The following CRPPA variants were observed in gnomAD, a reference collection of about 807,000 sequenced individuals.
The protein encoded by CRPPA is D-ribitol-5-phosphate cytidylyltransferase.
A neutral mutation model predicts 52.0 loss-of-function variants in CRPPA; 43 were observed. The ratio of observed to expected loss-of-function variants is 0.83; its 90% CI spans 0.65 to 1.07. The LOEUF is 1.07. Ranked by LOEUF, CRPPA falls within the 50% of genes least tolerant of loss-of-function variation. CRPPA has a pLI of 0.00. For synonymous variants in CRPPA, 250 were observed against 203.5 expected, an observed-to-expected ratio of 1.23 and a Z score of -1.94; for missense variants, 629 against 551.7, an observed-to-expected ratio of 1.14 and a Z score of -1.40.
At chr7:16,142,377 T>C (rs1782890472) in intron 9 of CRPPA, among the ~76,000 whole-genome samples, 1 of 152,218 alleles carries the variant, frequency 6.6e-6, no homozygotes, top group Non-Finnish European at 1.5e-5. Context: ...TTAATTTAAA[T>C]AATGGACCAC....
intron 5 of CRPPA, among the ~76,000 whole-genome samples, chr7:16,299,179 T>C (rs1310323917): frequency 6.6e-6 from 1 of 152,182 alleles, no homozygotes; most frequent in African/African-American, 2.4e-5. Flanking sequence ...ATATACTATA[T>C]TACACTTTGG....
At chr7:16,398,634 C>T (rs1018894937) in intron 2 of CRPPA, among the ~76,000 whole-genome samples, 4 of 152,250 alleles carry the variant, frequency 2.6e-5, no homozygotes, top group Admixed American at 6.5e-5. Context: ...ATGACTGACA[C>T]GTGACAAACA....
At chr7:16,205,036 T>G (rs1479325614) in intron 9 of CRPPA, among the ~76,000 whole-genome samples, 1 of 152,176 alleles carries the variant, frequency 6.6e-6, no homozygotes, top group Non-Finnish European at 1.5e-5. Flanking sequence ...TGAAAAGATC[T>G]TTAATCTCAA....
intron 8 of CRPPA, among the ~76,000 whole-genome samples, chr7:16,217,254 C>G (rs1782355247): frequency 6.7e-6 from 1 of 149,236 alleles, no homozygotes; most frequent in Admixed American, 6.7e-5. Context: ...GGAAAACTAA[C>G]AAACAGAAAG....
Position 16,276,739 on chromosome 7 carries a change from C to T in CRPPA, c.933+1390G>A, listed in dbSNP as rs1296309227. The T allele has an allele frequency of 2.0e-5, 3 of 152,010 alleles. No homozygotes were observed. In the East Asian group the frequency reaches 5.8e-4, roughly 29 times the overall value. 9.4% of individuals were successfully genotyped at this position (152,010 alleles called of 1,614,324 possible). A position where few individuals can be genotyped will look rare whatever the true frequency, so the allele number is the denominator to read the frequency against. ...ATCACATATATATTTACTTATATGACTAAGAATAAACAATTGTTTAAGGGA... is the reference window on the plus strand; with the variant it reads ...ATCACATATATATTTACTTATATGATTAAGAATAAACAATTGTTTAAGGGA... On this transcript the variant is annotated intron_variant, in intron 6 of 9. Transcript: ENST00000407010.
At chr7:16,208,857 T>C (rs901956212) in intron 9 of CRPPA, 7 of 211,100 alleles carry the variant, frequency 3.3e-5, no homozygotes, top group South Asian at 6.8e-5. Context: ...TATAATGACA[T>C]TGGGCACTTA....
At chr7:16,122,964 G>A (rs371810139) in intron 9 of CRPPA, among the ~76,000 whole-genome samples, 8 of 152,072 alleles carry the variant, frequency 5.3e-5, no homozygotes, top group African/African-American at 1.9e-4. Context: ...CATATAGAAG[G>A]AATCAAGTAG....
At chr7:16,098,970 G>T (rs1781985215) in intron 9 of CRPPA, among the ~76,000 whole-genome samples, 3 of 151,970 alleles carry the variant, frequency 2.0e-5, no homozygotes, top group Non-Finnish European at 4.4e-5. Context: ...AATGCACTTG[G>T]GTTTACTGAT....
chr7:16,345,677 G>A (rs947424120), intron 3 of CRPPA, among the ~76,000 whole-genome samples: 1 of 152,010 alleles, frequency 6.6e-6, no homozygotes, highest in Non-Finnish European at 1.5e-5. Context: ...AAATATGTAG[G>A]ATATACAGAC....
chr7:16,245,345 T>A (rs1011918571), intron 8 of CRPPA, among the ~76,000 whole-genome samples: 3 of 152,238 alleles, frequency 2.0e-5, no homozygotes, highest in African/African-American at 7.2e-5. Context: ...ATTAATTTGG[T>A]GCACATTTGA....
intron 6 of CRPPA, chr7:16,266,435 C>T (rs1783954259): frequency 6.6e-6 from 1 of 151,866 alleles, no homozygotes; most frequent in African/African-American, 2.4e-5. Context: ...TTTAACAAAC[C>T]TTGAGCACCT....
rs371748763 is a variant in CRPPA at position 16,276,360 on chromosome 7, G to T, written c.933+1769C>A. Among the ~76,000 whole-genome samples the T allele has an allele frequency of 2.0e-5, 3 of 152,264 alleles. No individual in the cohort carries two copies. In the East Asian group the frequency reaches 5.8e-4, roughly 29 times the overall value. On this transcript the variant is annotated intron_variant, in intron 6 of 9. Coordinates refer to ENST00000407010, the MANE Select transcript of CRPPA (RefSeq NM_001101426.4). ...CAAAATGACTATAATTAAGAAAACT[G>T]TAGTAAAACAAATGGACTTTAAAGG...
chr7:16,304,209 G>A (rs1348163313), intron 4 of CRPPA, among the ~76,000 whole-genome samples: 1 of 152,050 alleles, frequency 6.6e-6, no homozygotes, highest in Non-Finnish European at 1.5e-5. Flanking sequence ...CTCCAGGAAA[G>A]CATGACAGCT....
At chr7:16,241,669 T>C (rs1383231487) in intron 8 of CRPPA, among the ~76,000 whole-genome samples, 1 of 152,190 alleles carries the variant, frequency 6.6e-6, no homozygotes, top group East Asian at 1.9e-4. Flanking sequence ...TTGCCCACTA[T>C]TTTATCCAAT....
chr7:16,295,445 T>A (rs921830361), intron 5 of CRPPA, among the ~76,000 whole-genome samples: 3 of 152,068 alleles, frequency 2.0e-5, no homozygotes, highest in Non-Finnish European at 4.4e-5. Context: ...CACAACCATA[T>A]ATGAAAACAG....
intron 9 of CRPPA, among the ~76,000 whole-genome samples, chr7:16,201,464 C>T (rs1245470967): frequency 6.6e-6 from 1 of 152,210 alleles, no homozygotes; most frequent in African/African-American, 2.4e-5. Flanking sequence ...AAATGGCACA[C>T]ATTCCCCTAT....
At chr7:16,291,334 A>C (rs747159871) in intron 5 of CRPPA, among the ~76,000 whole-genome samples, 1 of 152,102 alleles carries the variant, frequency 6.6e-6, no homozygotes, top group Middle Eastern at 3.4e-3. Context: ...ATACAAAATC[A>C]ACCTAAGCAT....
intron 3 of CRPPA, among the ~76,000 whole-genome samples, chr7:16,311,047 C>A (rs1433573983): frequency 1.3e-5 from 2 of 152,054 alleles, no homozygotes; most frequent in African/African-American, 4.8e-5. Context: ...ATATTAGGTT[C>A]ATAGCAAAAT....
At position 16,258,379 on chromosome 7, in the gene CRPPA, A is replaced by G; in HGVS notation, c.1119+11T>C. ...ATAAGTTTGAGAAAAATCTGCATTA[A>G]TTTCACTTACTGAAACAACAACAAC... On this transcript the variant is annotated intron_variant, in intron 8 of 9. Transcript: ENST00000407010. 6.5e-7 allele frequency: 1 copy of G among 1,538,320 alleles called. No individual in the cohort carries two copies. The highest frequency in any genetic ancestry group is 8.9e-7 in the Non-Finnish European group (1 of 1,123,478).
Sources: gnomAD v4.1 joint callset for allele counts (sites outside exome capture counted in the v4.1 genomes callset) on GRCh38, gnomAD v4.1.1 for gene constraint, MANE v1.5 for transcripts, NCBI Gene and HGNC (gene_info 2026-07-23, HGNC 2026-07-21) for gene names.